Variants in SYT17 observed in about 807,000 individuals in gnomAD.
SYT17 encodes the protein synaptotagmin-17.
A neutral mutation model predicts 46.7 loss-of-function variants in SYT17; 22 were observed. The observed-to-expected ratio is 0.47, with a 90% CI of 0.34 to 0.67. The LOEUF (loss-of-function observed/expected upper bound fraction) is 0.67, where lower values mean the gene tolerates loss of function less well. Ranked by LOEUF, SYT17 falls within the 30% of genes least tolerant of loss-of-function variation. SYT17 has a pLI of 0.01. For missense variants in SYT17, 519 were observed against 612.8 expected (o/e 0.85, Z 1.62); for synonymous variants, 251 against 248.4 (o/e 1.01, Z -0.10).
intron 6 of SYT17, 126 bp downstream of exon 6, chr16:19,223,291 A>T (rs1190555246): frequency 8.3e-6 from 10 of 1,211,994 alleles, no homozygotes; most frequent in Non-Finnish European, 1.1e-5. Flanking sequence ...CAGGTAAATG[A>T]TGCCATCTTA....
rs565663173 is a variant in SYT17, at chr16:19,168,271, T to C, written c.-376T>C. The C allele has an allele frequency of 6.3e-5, 11 of 174,114 alleles. No individual in the cohort carries two copies. The highest frequency in any genetic ancestry group is 2.6e-4 in the African/African-American group (10 of 39,056). 10.8% of individuals were successfully genotyped at this position (174,114 alleles called of 1,614,324 possible). A position where few individuals can be genotyped will look rare whatever the true frequency, so the allele number is the denominator to read the frequency against. On this transcript the variant is annotated 5_prime_UTR_variant, in exon 1 of 8. Transcript: ENST00000355377. The surrounding 1 kb of genome is among the most constrained non-coding windows in gnomAD (Gnocchi z 6.9). ...CGGCCCCGGCGTCTCCGGCCCCGCC[T>C]GCGCTGGGGTCGCTGCAGTCCCCGC...
At chr16:19,184,794 C>T (rs1964717150) in intron 5 of SYT17, among the ~76,000 whole-genome samples, 1 of 152,132 alleles carries the variant, frequency 6.6e-6, no homozygotes, top group African/African-American at 2.4e-5. Flanking sequence ...ATAAAGCTAT[C>T]AATCATTTTG....
At chr16:19,263,936 A>C (rs1411169616) in intron 7 of SYT17, among the ~76,000 whole-genome samples, 1 of 152,276 alleles carries the variant, frequency 6.6e-6, no homozygotes, top group East Asian at 1.9e-4. Flanking sequence ...CCAAATTTGT[A>C]TGTTGAATTC....
At chr16:19,172,464 G>C (rs570800752) in intron 1 of SYT17, 1 of 1,453,056 alleles carries the variant, frequency 6.9e-7, no homozygotes, top group Non-Finnish European at 9.0e-7. Context: ...CTATCCGCCC[G>C]CTCTGATTCA....
Position 19,232,069 on chromosome 16 carries a change from C to T in SYT17, c.1228+7231C>T, listed in dbSNP as rs1429868804. On this transcript the variant is annotated intron_variant, in intron 7 of 7. Transcript: ENST00000355377. Reference sequence around the variant, plus strand: ...CAGAGAGGTCGGCCGGGCTCCCGCCCCGGAAGAGAAATTGAGGCTGACGTC... The same window carrying T: ...CAGAGAGGTCGGCCGGGCTCCCGCCTCGGAAGAGAAATTGAGGCTGACGTC... 5.3e-5 allele frequency among the ~76,000 whole-genome samples: 8 copies of T among 152,076 alleles called. No homozygotes were observed. The South Asian group carries it at 6.2e-4, about 12-fold the overall frequency.
intron 5 of SYT17, among the ~76,000 whole-genome samples, chr16:19,184,562 ATT>A (rs34467058): frequency 1.0e-3 from 150 of 145,014 alleles, no homozygotes; most frequent in South Asian, 1.3e-3. Context: ...ATTTTTTTGT[ATT>A]TTTTTTTTTT....
At chr16:19,201,180 G>A (rs1965445157) in intron 5 of SYT17, among the ~76,000 whole-genome samples, 1 of 152,180 alleles carries the variant, frequency 6.6e-6, no homozygotes, top group African/African-American at 2.4e-5. Flanking sequence ...GTGGCACAAA[G>A]GTGGTCATGG....
At chr16:19,228,828 C>A (rs1259696833) in intron 7 of SYT17, among the ~76,000 whole-genome samples, 1 of 152,188 alleles carries the variant, frequency 6.6e-6, no homozygotes, top group Non-Finnish European at 1.5e-5. Context: ...GGCCGAGGAA[C>A]CAAAGCCCAG....
At chr16:19,177,331 G>A (rs533075796) in intron 3 of SYT17, among the ~76,000 whole-genome samples, 6 of 152,176 alleles carry the variant, frequency 3.9e-5, no homozygotes, top group Non-Finnish European at 8.8e-5. Flanking sequence ...ACAGCTGTGC[G>A]TGACCTTTGT....
intron 5 of SYT17, among the ~76,000 whole-genome samples, chr16:19,213,756 C>A (rs1250764386): frequency 6.6e-6 from 1 of 152,138 alleles, no homozygotes; most frequent in African/African-American, 2.4e-5. Context: ...CCTCAAACTC[C>A]TGGCCTCAAC....
intron 6 of SYT17, 85 bp from the exon 7 acceptor site, chr16:19,224,598 T>C: frequency 1.4e-6 from 2 of 1,452,768 alleles, no homozygotes; most frequent in South Asian, 1.2e-5. Flanking sequence ...AAAAGACAGA[T>C]GGATGGGAGG....
At chr16:19,227,087 A>G (rs887787406) in intron 7 of SYT17, among the ~76,000 whole-genome samples, 1 of 152,120 alleles carries the variant, frequency 6.6e-6, no homozygotes, top group East Asian at 1.9e-4. Flanking sequence ...AAATGGGGAT[A>G]ACAATACAGG....
intron 5 of SYT17, chr16:19,211,220 G>A: frequency 4.0e-6 from 2 of 497,600 alleles, no homozygotes; most frequent in Non-Finnish European, 7.1e-6. Flanking sequence ...CACAAGGGAC[G>A]AGGTAGAAGT....
intron 5 of SYT17, among the ~76,000 whole-genome samples, chr16:19,188,610 G>A (rs1964884210): frequency 6.6e-6 from 1 of 151,078 alleles, no homozygotes; most frequent in Non-Finnish European, 1.5e-5. Flanking sequence ...CGATTTGGAT[G>A]TAGATTTGTT....
At chr16:19,178,258 A>AT (rs377447782) in intron 3 of SYT17, among the ~76,000 whole-genome samples, 400 of 147,398 alleles carry the variant, frequency 2.7e-3, no homozygotes, top group African/African-American at 6.2e-3. Flanking sequence ...AATTTTTTGT[A>AT]TTTTTTTTAG....
chr16:19,259,381 A>G (rs1968804243), intron 7 of SYT17, among the ~76,000 whole-genome samples: 1 of 152,190 alleles, frequency 6.6e-6, no homozygotes, highest in Non-Finnish European at 1.5e-5. Context: ...AGGCATCCTA[A>G]TGGATTCATG....
chr16:19,190,217 A>G (rs1214865911), intron 5 of SYT17, among the ~76,000 whole-genome samples: 1 of 152,178 alleles, frequency 6.6e-6, no homozygotes, highest in African/African-American at 2.4e-5. Flanking sequence ...TAAAAATACA[A>G]AAAATTAGTG....
intron 7 of SYT17, 116 bp downstream of exon 7, chr16:19,224,954 A>G (rs1467080900): frequency 4.1e-6 from 5 of 1,213,376 alleles, no homozygotes; most frequent in East Asian, 2.4e-5. Context: ...CTGGCATTCA[A>G]CTACCTGGGT....
chr16:19,257,863 A>C (rs937060301), intron 7 of SYT17, among the ~76,000 whole-genome samples: 9 of 152,088 alleles, frequency 5.9e-5, no homozygotes, highest in African/African-American at 2.2e-4. Flanking sequence ...GAGCAGTGAG[A>C]GCCTAGGGCA....
Sources: allele counts gnomAD v4.1 joint callset (sites outside exome capture counted in the v4.1 genomes callset), GRCh38; gene constraint gnomAD v4.1.1; non-coding constraint Gnocchi (gnomAD v3.1); transcripts MANE v1.5; gene names NCBI Gene and HGNC (gene_info 2026-07-23, HGNC 2026-07-21).